Variants in RHOT1 observed in about 807,000 individuals in gnomAD.
The protein encoded by RHOT1 is ras homolog family member T1.
RHOT1 carries 27 observed loss-of-function variants against 95.3 expected under a neutral mutation model. That is an observed-to-expected ratio of 0.28 (90% CI 0.21 to 0.39). The LOEUF (loss-of-function observed/expected upper bound fraction) is 0.39, where lower values mean the gene tolerates loss of function less well. Ranked by LOEUF, RHOT1 falls within the 10% of genes least tolerant of loss-of-function variation. RHOT1 has a pLI of 1.00. For synonymous variants in RHOT1, 227 were observed against 263.5 expected (o/e 0.86, Z 1.34); for missense variants, 578 against 786.7 (o/e 0.73, Z 3.17).
At chr17:32,162,571 C>T (rs549480492) in intron 1 of RHOT1, among the ~76,000 whole-genome samples, 9 of 152,250 alleles carry the variant, frequency 5.9e-5, no homozygotes, top group East Asian at 1.9e-4. Flanking sequence ...GGACCAGTTT[C>T]GTTAGTGGTG....
intron 8 of RHOT1, 51 bp from the exon 9 acceptor site, chr17:32,192,150 C>A: frequency 1.1e-6 from 1 of 888,272 alleles, no homozygotes; most frequent in Non-Finnish European, 1.8e-6. Context: ...CTCAGCATTG[C>A]TTATGAAAAT....
intron 19 of RHOT1, among the ~76,000 whole-genome samples, chr17:32,216,015 C>T (rs532453141): frequency 1.3e-5 from 2 of 152,048 alleles, no homozygotes; most frequent in African/African-American, 2.4e-5. Context: ...GAGAAAAAGA[C>T]CTTTTGAATA....
At chr17:32,216,953 C>T (rs2038515144) in intron 19 of RHOT1, among the ~76,000 whole-genome samples, 1 of 152,122 alleles carries the variant, frequency 6.6e-6, no homozygotes, top group African/African-American at 2.4e-5. Context: ...AATTTGTATA[C>T]ATAGTCATAT....
At chr17:32,149,880 C>G (rs1226169831) in intron 1 of RHOT1, among the ~76,000 whole-genome samples, 1 of 151,688 alleles carries the variant, frequency 6.6e-6, no homozygotes, top group Non-Finnish European at 1.5e-5. Context: ...TCCATAGTAG[C>G]TGGGATTATA....
At chr17:32,156,870 A>G (rs1329230574) in intron 1 of RHOT1, among the ~76,000 whole-genome samples, 1 of 152,256 alleles carries the variant, frequency 6.6e-6, no homozygotes, top group African/African-American at 2.4e-5. Flanking sequence ...CCATTTGTGT[A>G]CTTAATGTGT....
intron 8 of RHOT1, among the ~76,000 whole-genome samples, chr17:32,190,210 C>T (rs2036384319): frequency 6.6e-6 from 1 of 152,008 alleles, no homozygotes; most frequent in African/African-American, 2.4e-5. Context: ...AATCCCAGCA[C>T]TTTGGGGGGC....
chr17:32,175,450 T>C (rs2034918125), intron 4 of RHOT1, 88 bp downstream of exon 4: 1 of 1,302,934 alleles, frequency 7.7e-7, no homozygotes, highest in African/African-American at 1.5e-5. Context: ...TCTTTGTTTG[T>C]TGGTTTTTGT....
rs754630533 is a variant in RHOT1, at chr17:32,193,979, T to C, written c.749-8T>C. On this transcript the variant is annotated splice_polypyrimidine_tract_variant and splice_region_variant and intron_variant, in intron 10 of 19. Coordinates refer to ENST00000545287, the MANE Select transcript of RHOT1 (RefSeq NM_001033566.3). The stretch of plus-strand genomic sequence containing the variant: ...GTACACTTTATTTACTAATTTACTT[T>C]ATTTCAGGTTTTCTCTTTTTACACA... The C allele has an allele frequency of 1.6e-5, 26 of 1,612,112 alleles. No individual in the cohort carries two copies. The highest frequency in any genetic ancestry group is 1.7e-6 in the Non-Finnish European group (2 of 1,178,618).
intron 6 of RHOT1, chr17:32,178,871 GC>G (rs1311186204): frequency 6.8e-6 from 1 of 147,526 alleles, no homozygotes; most frequent in African/African-American, 2.7e-5. Context: ...CCTCTGCCCG[GC>G]CGCCACCCCA....
At chr17:32,201,894 G>A (rs1323004107) in intron 14 of RHOT1, among the ~76,000 whole-genome samples, 1 of 146,900 alleles carries the variant, frequency 6.8e-6, no homozygotes, top group Non-Finnish European at 1.5e-5. Context: ...TATAGCCTAA[G>A]GAGGTTGTGT....
chr17:32,206,200 T>G (rs933207979), intron 16 of RHOT1, among the ~76,000 whole-genome samples: 3 of 131,856 alleles, frequency 2.3e-5, no homozygotes. Context: ...ATCTTTTTTT[T>G]TTTTTTTTTT....
chr17:32,166,029 A>T (rs560864782), intron 1 of RHOT1, among the ~76,000 whole-genome samples: 2 of 152,016 alleles, frequency 1.3e-5, no homozygotes, highest in African/African-American at 4.8e-5. Flanking sequence ...TACTAAAAAT[A>T]CAAAAAAATG....
In RHOT1 at chr17:32,207,027, A is replaced by C. The variant is rs1332246388; in HGVS notation, c.1534A>C (p.Lys512Gln). 4 of 1,608,772 alleles carry C rather than the reference A, an allele frequency of 2.5e-6. No homozygotes were observed. The African/African-American group carries it at 5.4e-5, about 22-fold the overall frequency. Residue 512 changes from lysine (K) to glutamine (Q), a missense_variant and splice_region_variant, in exon 17 of 20, where the codon AAG becomes CAG. This residue lies in a region of RHOT1 where 296 missense variants were observed against 338.5 expected (regional missense o/e 0.87). Transcript: ENST00000545287. ...CTTTGAATACTGTGCCAGGATTTTTAAGGTTTGTTGCTCCTACAGACTATG... is the reference window on the plus strand; with the variant it reads ...CTTTGAATACTGTGCCAGGATTTTTCAGGTTTGTTGCTCCTACAGACTATG... ...KSFEYCARIF[K>Q]QHFMDSRIPC...
chr17:32,179,999 C>G (rs972376038), intron 6 of RHOT1: 1 of 149,626 alleles, frequency 6.7e-6, no homozygotes, highest in African/African-American at 2.7e-5. Flanking sequence ...TGAGGAGCGC[C>G]TCTGCCCGGC....
intron 13 of RHOT1, 104 bp downstream of exon 13, chr17:32,199,654 TC>T (rs2037165019): frequency 2.1e-6 from 2 of 934,364 alleles, no homozygotes; most frequent in Non-Finnish European, 3.1e-6. Context: ...ATGAAATTCT[TC>T]AATCATAATT....
At position 32,217,120 on chromosome 17, in the gene RHOT1, T is replaced by A. The variant is rs369778147; in HGVS notation, c.1862+5882T>A. 1.2e-4 allele frequency among the ~76,000 whole-genome samples: 19 copies of A among 152,326 alleles called. No homozygotes were observed. In the East Asian group the frequency reaches 3.3e-3, roughly 26 times the overall value. ...TCTTTAAGTATCACTAGTTAACATA[T>A]AGATATTGGAGCATTTCCTTTGTAT... On this transcript the variant is annotated intron_variant, in intron 19 of 19. Transcript: ENST00000545287.
At chr17:32,170,082 TAATAC>T (rs2034450380) in intron 1 of RHOT1, among the ~76,000 whole-genome samples, 1 of 152,080 alleles carries the variant, frequency 6.6e-6, no homozygotes, top group Non-Finnish European at 1.5e-5. Flanking sequence ...TAATAAATTA[TAATAC>T]ATCATGCAGT....
At chr17:32,207,078 T>C in intron 17 of RHOT1, 49 bp downstream of exon 17, 1 of 1,544,602 alleles carries the variant, frequency 6.5e-7, no homozygotes, top group Non-Finnish European at 8.7e-7. Flanking sequence ...ATATGGACTT[T>C]TTATGGAATT....
chr17:32,162,157 C>G (rs1158830675), intron 1 of RHOT1, among the ~76,000 whole-genome samples: 3 of 152,256 alleles, frequency 2.0e-5, no homozygotes, highest in South Asian at 2.1e-4. Flanking sequence ...TTCTGACCCT[C>G]TAATCATGTA....
Sources: allele counts gnomAD v4.1 joint callset (sites outside exome capture counted in the v4.1 genomes callset), GRCh38; gene constraint gnomAD v4.1.1; regional missense constraint gnomAD v4.1.1; transcripts MANE v1.5; gene names NCBI Gene and HGNC (gene_info 2026-07-23, HGNC 2026-07-21).